Variants in SNX25 observed in about 807,000 individuals in gnomAD.
The protein encoded by SNX25 is sorting nexin 25, also known as sorting nexin-25.
SNX25 carries 62 observed loss-of-function variants against 113.7 expected under a neutral mutation model. The ratio of observed to expected loss-of-function variants is 0.55; its 90% confidence interval spans 0.44 to 0.67. The LOEUF (loss-of-function observed/expected upper bound fraction) is 0.67, where lower values mean the gene tolerates loss of function less well. SNX25 is among the 30% of genes least tolerant of loss of function. SNX25 has a pLI of 0.00. For missense variants in SNX25, 1,014 were observed against 1,161.0 expected (o/e 0.87, Z 1.84); for synonymous variants, 421 against 436.2 (o/e 0.97, Z 0.43).
chr4:185,377,243 C>A, the SNX25 span: 2 of 466,450 alleles, frequency 4.3e-6, 1 homozygote, highest in South Asian at 5.7e-5. Flanking sequence ...ACTGGCCGGG[C>A]GCGGTGGCTC....
chr4:185,319,748 T>C (rs1020873636), intron 7 of SNX25, among the ~76,000 whole-genome samples: 2 of 152,212 alleles, frequency 1.3e-5, no homozygotes, highest in African/African-American at 4.8e-5. Context: ...AGGAAATTGG[T>C]ATTTTTTCAG....
intron 2 of SNX25, among the ~76,000 whole-genome samples, chr4:185,249,070 C>G (rs1197904650): frequency 6.6e-6 from 1 of 152,170 alleles, no homozygotes; most frequent in African/African-American, 2.4e-5. Flanking sequence ...TGTGGGACAT[C>G]TGGGTTATTT....
intron 10 of SNX25, among the ~76,000 whole-genome samples, chr4:185,336,972 G>T (rs1289741709): frequency 6.6e-6 from 1 of 152,002 alleles, no homozygotes; most frequent in Non-Finnish European, 1.5e-5. Context: ...TTTCAGAATT[G>T]TCTATTCGTG....
intron 5 of SNX25, among the ~76,000 whole-genome samples, chr4:185,270,920 C>T (rs1748835176): frequency 6.6e-6 from 1 of 152,188 alleles, no homozygotes; most frequent in African/African-American, 2.4e-5. Flanking sequence ...TATCCTTTCA[C>T]CGGTCCATGG....
intron 1 of SNX25, among the ~76,000 whole-genome samples, chr4:185,216,513 GTT>G (rs34410263): frequency 0.088 from 8,474 of 96,430 alleles, 259 homozygotes; most frequent in Non-Finnish European, 0.13. Context: ...TGTGTATTTG[GTT>G]TTTTTTTTTT....
rs764554891 is a variant in SNX25, at chr4:185,362,014, G to T, written c.2742G>T (p.Gly914=). Residue 914 remains glycine, a synonymous_variant, in exon 17 of 19, where the codon GGG becomes GGT. Transcript: ENST00000652585. ...TCCGGGATGCTTTTTGGCCAAATGG[G>T]AAGTTGGCACCACCGACCACAATCA... ...NIFRDAFWPN[G]KLAPPTTIRS... is the part of the protein sequence containing the mutation. 2 of 1,614,054 alleles carry T rather than the reference G, an allele frequency of 1.2e-6. No homozygotes were observed. Among genetic ancestry groups the T allele is most frequent in the East Asian group, 4.5e-5 (2 of 44,878 alleles).
In SNX25 at chr4:185,229,583, T is replaced by C. The variant is rs1028054758; in HGVS notation, c.430-17711T>C. On this transcript the variant is annotated intron_variant, in intron 1 of 18. Transcript: ENST00000652585. ...AGGGTGGGTAGAATGGGTGTTGCCATCTGTTGATTTGCCCACGGCTGTCTC... is the reference window on the plus strand; with the variant it reads ...AGGGTGGGTAGAATGGGTGTTGCCACCTGTTGATTTGCCCACGGCTGTCTC... Among the ~76,000 whole-genome samples the C allele has an allele frequency of 3.3e-5, 5 of 152,254 alleles. No homozygotes were observed. In the East Asian group the frequency reaches 9.7e-4, roughly 29 times the overall value.
At chr4:185,263,956 A>G (rs1747685426) in intron 3 of SNX25, among the ~76,000 whole-genome samples, 1 of 152,324 alleles carries the variant, frequency 6.6e-6, no homozygotes, top group South Asian at 2.1e-4. Flanking sequence ...GCAATTTGCC[A>G]TCAAATTAGA....
At chr4:185,272,149 G>A (rs1749018372) in intron 5 of SNX25, among the ~76,000 whole-genome samples, 1 of 152,162 alleles carries the variant, frequency 6.6e-6, no homozygotes. Flanking sequence ...TCTGCTAATA[G>A]CACAAGAGCC....
At chr4:185,335,245 G>A (rs1212250713) in intron 10 of SNX25, among the ~76,000 whole-genome samples, 1 of 151,430 alleles carries the variant, frequency 6.6e-6, no homozygotes, top group Non-Finnish European at 1.5e-5. Flanking sequence ...ACTTGAACCC[G>A]TGAAGTGGAG....
intron 1 of SNX25, among the ~76,000 whole-genome samples, chr4:185,218,759 T>C (rs920200884): frequency 6.6e-5 from 10 of 152,256 alleles, no homozygotes; most frequent in Admixed American, 6.5e-4. Context: ...CTTCCTATTT[T>C]AGTGTAGAAT....
intron 2 of SNX25, 80 bp downstream of exon 2, chr4:185,247,458 A>C (rs923937819): frequency 9.2e-7 from 1 of 1,088,912 alleles, no homozygotes; most frequent in Non-Finnish European, 1.4e-6. Flanking sequence ...ATCTCCAGCA[A>C]ATTTATTCTT....
At chr4:185,319,093 T>C (rs1200675858) in intron 7 of SNX25, among the ~76,000 whole-genome samples, 1 of 108,868 alleles carries the variant, frequency 9.2e-6, no homozygotes, top group Non-Finnish European at 2.0e-5. Context: ...TTTATTTTAT[T>C]TTTTTTATTT....
At chr4:185,374,450 C>T, downstream of SNX25, 1 of 1,611,320 alleles carries the variant, frequency 6.2e-7, no homozygotes, top group East Asian at 2.2e-5. Flanking sequence ...TCATATAGTC[C>T]ACCCCTTTCT....
intron 13 of SNX25, among the ~76,000 whole-genome samples, chr4:185,348,749 C>T (rs2095300762): frequency 6.6e-6 from 1 of 152,102 alleles, no homozygotes; most frequent in South Asian, 2.1e-4. Context: ...CTTCTAGCTC[C>T]TTTTTGATAT....
rs2095262111 is a variant in SNX25, at chr4:185,341,961, G to C, written c.2047-15G>C. Reference sequence around the variant, plus strand: ...CATGCTTTTTGTAAGTATCGATTTTGATGTTTTCCCCAAGGTTACAGAAGA... The same window carrying C: ...CATGCTTTTTGTAAGTATCGATTTTCATGTTTTCCCCAAGGTTACAGAAGA... On this transcript the variant is annotated splice_polypyrimidine_tract_variant and intron_variant, in intron 11 of 18. Transcript: ENST00000652585. 1 of 1,568,808 alleles carries C rather than the reference G, an allele frequency of 6.4e-7. No individual in the cohort carries two copies. The highest frequency in any genetic ancestry group is 1.4e-5 in the African/African-American group (1 of 72,894).
At position 185,264,532 on chromosome 4, in the gene SNX25, G is replaced by C. The variant is rs747836001; in HGVS notation, c.826G>C (p.Val276Leu). The part of the protein sequence containing the change: ...RFLQTCSRVL[V>L]FCLLPSKDVQ... ...TCTACAAACGTGTTCTCGGGTTCTG[G>C]TGTTTTGTCTCCTCCCCTCAAAGGA... Residue 276 changes from valine (V) to leucine (L), a missense_variant, in exon 4 of 19, where the codon GTG becomes CTG. Val to Leu is a conservative substitution (Grantham distance 32, BLOSUM62 1). Coordinates refer to ENST00000652585, the MANE Select transcript of SNX25 (RefSeq NM_001378034.2). 14 of 1,614,028 alleles carry C rather than the reference G, an allele frequency of 8.7e-6. No homozygotes were observed. Among genetic ancestry groups the C allele is most frequent in the Non-Finnish European group, 1.2e-5 (14 of 1,179,944 alleles).
chr4:185,275,741 AC>A (rs1560959207), intron 5 of SNX25, among the ~76,000 whole-genome samples: 2 of 152,320 alleles, frequency 1.3e-5, no homozygotes, highest in East Asian at 3.9e-4. Context: ...AATCAAGTGT[AC>A]CTCCATACAA....
At position 185,310,781 on chromosome 4, in the gene SNX25, G is replaced by A; in HGVS notation, c.1309G>A (p.Ala437Thr). ...TGCCTATGACCAGCAAGAGGATGGGGCCCTGGATGAGGGGGAAGGGCCTCA... is the reference window on the plus strand; with the variant it reads ...TGCCTATGACCAGCAAGAGGATGGGACCCTGGATGAGGGGGAAGGGCCTCA... Reference protein sequence around the residue: ...GPAYDQQEDGALDEGEGPQSQ... With the variant: ...GPAYDQQEDGTLDEGEGPQSQ... The change falls in exon 7 of 19, where the codon GCC (alanine) becomes ACC (threonine). Residue 437 changes from alanine to threonine, a missense_variant. Transcript: ENST00000652585. The A allele has an allele frequency of 6.2e-7, 1 of 1,613,140 alleles. No individual in the cohort carries two copies. The highest frequency in any genetic ancestry group is 8.5e-7 in the Non-Finnish European group (1 of 1,179,572).
Sources: gnomAD v4.1 joint callset for allele counts (sites outside exome capture counted in the v4.1 genomes callset) on GRCh38, gnomAD v4.1.1 for gene constraint, MANE v1.5 for transcripts, NCBI Gene and HGNC (gene_info 2026-07-23, HGNC 2026-07-21) for gene names.